The following GBE1 variants were observed in gnomAD, a reference collection of about 807,000 sequenced individuals.
The protein encoded by GBE1 is 1,4-alpha-glucan-branching enzyme.
In GBE1, 70 loss-of-function variants were observed where a neutral mutation model predicts 88.8. The observed-to-expected ratio is 0.79, with a 90% CI of 0.65 to 0.96. GBE1 has a LOEUF of 0.96. GBE1 is among the 40% of genes least tolerant of loss of function. The probability of loss-of-function intolerance (pLI) is 0.00; values close to 1 mark genes in which losing one functional copy is unlikely to be tolerated. For missense variants in GBE1, 872 were observed against 871.0 expected (o/e 1.00, Z -0.01); for synonymous variants, 284 against 300.1 (o/e 0.95, Z 0.56).
Position 81,597,482 on chromosome 3 carries a change from A to AATATATAT in GBE1, c.993-3467_993-3460dup, listed in dbSNP as rs60557493. Among the ~76,000 whole-genome samples the AATATATAT allele has an allele frequency of 2.0e-4, 27 of 137,786 alleles. 1 individual carries two copies. In the South Asian group the frequency reaches 2.5e-3, roughly 13 times the overall value. 90.4% of individuals were successfully genotyped at this position (137,786 alleles called of 152,430 possible). On this transcript the variant is annotated intron_variant, in intron 7 of 15. Coordinates refer to ENST00000429644, the MANE Select transcript of GBE1 (RefSeq NM_000158.4). ...TCTCAAATATATATATATATCTCAA[A>AATATATAT]ATATATATATATATATATATATATC...
At chr3:81,731,100 T>A (rs555089976) in intron 1 of GBE1, among the ~76,000 whole-genome samples, 11 of 152,254 alleles carry the variant, frequency 7.2e-5, no homozygotes, top group Middle Eastern at 3.4e-3. Context: ...TCTTTAATTT[T>A]ACATCTTTAA....
intron 1 of GBE1, among the ~76,000 whole-genome samples, chr3:81,758,970 A>C (rs1009223567): frequency 2.6e-5 from 4 of 152,206 alleles, no homozygotes; most frequent in African/African-American, 4.8e-5. Flanking sequence ...GATAGTAAGT[A>C]AGTCTCACGA....
chr3:81,640,052 T>A (rs1475128930), intron 7 of GBE1, among the ~76,000 whole-genome samples: 1 of 152,242 alleles, frequency 6.6e-6, no homozygotes, highest in East Asian at 1.9e-4. Flanking sequence ...TGATCATGAT[T>A]GCTAAGAAGT....
intron 1 of GBE1, among the ~76,000 whole-genome samples, chr3:81,748,710 C>G (rs1431126340): frequency 3.3e-5 from 5 of 151,484 alleles, no homozygotes; most frequent in African/African-American, 1.2e-4. Flanking sequence ...TGTACAGATA[C>G]TGTAGAAAAT....
In GBE1 at chr3:81,601,023, T is replaced by C. The variant is rs534202251; in HGVS notation, c.993-7000A>G. Among the ~76,000 whole-genome samples, 6 of 152,298 alleles carry C rather than the reference T, an allele frequency of 3.9e-5. No homozygotes were observed. In the East Asian group the frequency reaches 9.6e-4, roughly 24 times the overall value. ...ATCACTCATCAATGGTATTTGAATT[T>C]GCACTAGCTTTGCTAAATAATATAT... On this transcript the variant is annotated intron_variant, in intron 7 of 15. Transcript: ENST00000429644.
At position 81,615,550 on chromosome 3, in the gene GBE1, G is replaced by T. The variant is rs142532694; in HGVS notation, c.993-21527C>A. 1.3e-3 allele frequency among the ~76,000 whole-genome samples: 201 copies of T among 152,284 alleles called. 2 individuals carry two copies. Among genetic ancestry groups the T allele is most frequent in the African/African-American group, 4.7e-3 (194 of 41,558 alleles). ...AACAAAATGGAATATGTCCCTTTGG[G>T]GACGAGCTTTTGCTACTCCACATAA... On this transcript the variant is annotated intron_variant, in intron 7 of 15. Coordinates refer to ENST00000429644, the MANE Select transcript of GBE1 (RefSeq NM_000158.4).
intron 1 of GBE1, among the ~76,000 whole-genome samples, chr3:81,722,042 A>AATC (rs1301837659): frequency 6.6e-6 from 1 of 152,192 alleles, no homozygotes; most frequent in Non-Finnish European, 1.5e-5. Context: ...TAAAAACAGT[A>AATC]ATCATCATCA....
intron 12 of GBE1, among the ~76,000 whole-genome samples, chr3:81,571,439 T>C (rs1044066035): frequency 6.6e-6 from 1 of 152,218 alleles, no homozygotes; most frequent in Non-Finnish European, 1.5e-5. Flanking sequence ...CTGAGCTACA[T>C]TACAGAAGTG....
At chr3:81,545,018 AT>A (rs1444362845) in intron 12 of GBE1, among the ~76,000 whole-genome samples, 1 of 152,172 alleles carries the variant, frequency 6.6e-6, no homozygotes, top group Non-Finnish European at 1.5e-5. Context: ...TTACATGTAT[AT>A]AAAAATAATG....
At chr3:81,568,099 C>T (rs1004589133) in intron 12 of GBE1, among the ~76,000 whole-genome samples, 15 of 152,092 alleles carry the variant, frequency 9.9e-5, no homozygotes, top group African/African-American at 1.7e-4. Flanking sequence ...GTGATCTTTA[C>T]GAAGTATATT....
intron 2 of GBE1, among the ~76,000 whole-genome samples, chr3:81,674,700 A>G (rs1705230010): frequency 6.6e-6 from 1 of 151,942 alleles, no homozygotes; most frequent in African/African-American, 2.4e-5. Context: ...AATAATAAAT[A>G]GTACCAAGCC....
intron 7 of GBE1, among the ~76,000 whole-genome samples, chr3:81,626,393 G>A (rs1704417088): frequency 6.6e-6 from 1 of 152,098 alleles, no homozygotes; most frequent in South Asian, 2.1e-4. Flanking sequence ...AAGAAAAATA[G>A]GTAAGTTGTA....
At chr3:81,747,329 T>C (rs767193642) in intron 1 of GBE1, among the ~76,000 whole-genome samples, 12 of 152,304 alleles carry the variant, frequency 7.9e-5, no homozygotes, top group South Asian at 4.1e-4. Flanking sequence ...AAAGAAAATA[T>C]GTGTAAACCA....
At chr3:81,583,402 G>A (rs1703759874) in intron 10 of GBE1, among the ~76,000 whole-genome samples, 1 of 152,034 alleles carries the variant, frequency 6.6e-6, no homozygotes, top group South Asian at 2.1e-4. Flanking sequence ...AACTTATGTT[G>A]ATAAAAAATG....
At chr3:81,667,808 G>C (rs1367422724) in intron 3 of GBE1, among the ~76,000 whole-genome samples, 1 of 152,164 alleles carries the variant, frequency 6.6e-6, no homozygotes, top group African/African-American at 2.4e-5. Flanking sequence ...ACTTGATCTT[G>C]ATGGATAAGC....
At chr3:81,580,415 T>G (rs1346333021) in intron 11 of GBE1, among the ~76,000 whole-genome samples, 1 of 152,200 alleles carries the variant, frequency 6.6e-6, no homozygotes, top group East Asian at 1.9e-4. Context: ...TTATATAGAA[T>G]GTGTCAGAGC....
chr3:81,664,434 T>C (rs1291896930), intron 3 of GBE1, among the ~76,000 whole-genome samples: 2 of 127,764 alleles, frequency 1.6e-5, no homozygotes, highest in Non-Finnish European at 3.3e-5. Context: ...AAAACTTGAA[T>C]GTGTCAAAAA....
chr3:81,608,196 T>C (rs1704128766), intron 7 of GBE1, among the ~76,000 whole-genome samples: 1 of 152,166 alleles, frequency 6.6e-6, no homozygotes, highest in African/African-American at 2.4e-5. Context: ...AACCACTGAT[T>C]TCCAATAAGA....
At chr3:81,617,077 C>T (rs192359579) in intron 7 of GBE1, among the ~76,000 whole-genome samples, 1 of 137,846 alleles carries the variant, frequency 7.3e-6, no homozygotes, top group African/African-American at 2.9e-5. Context: ...TGCAACCTTG[C>T]TCATCTCATT....
Sources: allele counts gnomAD v4.1 joint callset (sites outside exome capture counted in the v4.1 genomes callset), GRCh38; gene constraint gnomAD v4.1.1; transcripts MANE v1.5; gene names NCBI Gene and HGNC (gene_info 2026-07-23, HGNC 2026-07-21).